Variants in ATG2A observed in about 807,000 individuals in gnomAD.
ATG2A encodes the protein autophagy related 2A.
A neutral mutation model predicts 214.2 loss-of-function variants in ATG2A; 103 were observed. That is an observed-to-expected ratio of 0.48 (90% confidence interval 0.41 to 0.57). The LOEUF (loss-of-function observed/expected upper bound fraction) is 0.57, where lower values mean the gene tolerates loss of function less well. Ranked by LOEUF, ATG2A falls within the 20% of genes least tolerant of loss-of-function variation. The pLI is 0.00. For synonymous variants in ATG2A, 1,160 were observed against 1,142.1 expected (o/e 1.02, Z -0.32); for missense variants, 2,312 against 2,613.2 (o/e 0.88, Z 2.51).
intron 37 of ATG2A, 110 bp downstream of exon 37, chr11:64,897,302 C>G (rs658006): frequency 7.7e-7 from 1 of 1,300,262 alleles, no homozygotes; most frequent in Non-Finnish European, 1.1e-6. Context: ...AGAGGAGAAA[C>G]TGAGGCCCTG....
Position 64,898,648 on chromosome 11 carries a change from G to T in ATG2A, c.4659C>A (p.Ala1553=). Residue 1553 remains alanine, a synonymous_variant, in exon 32 of 41, where the codon GCC becomes GCA. Coordinates refer to ENST00000377264, the MANE Select transcript of ATG2A (RefSeq NM_015104.3). This position sits in a 1 kb window ranked among gnomAD's most constrained non-coding sequence, Gnocchi z 4.5. ...LHTSERMPRR[A]HSNMLTIKAL... ...AGGTCGCTCATACCATGTTAGAGTG[G>T]GCACGTCGCGGCATCCGCTCACTCG... 6.2e-7 allele frequency: 1 copy of T among 1,613,926 alleles called. No homozygotes were observed. Among genetic ancestry groups the T allele is most frequent in the Non-Finnish European group, 8.5e-7 (1 of 1,179,904 alleles).
rs1944564036 is a variant in ATG2A, at chr11:64,906,654, A to T, written c.2983+11T>A. 1 of 1,613,140 alleles carries T rather than the reference A, an allele frequency of 6.2e-7. No homozygotes were observed. The highest frequency in any genetic ancestry group is 1.7e-5 in the Admixed American group (1 of 60,004). On this transcript the variant is annotated intron_variant, in intron 20 of 40. Transcript: ENST00000377264. ...TGGACCCCAGTGGTGACCTGCCCCC[A>T]GGCCTCACACCTCGGTGGTAGAGTG...
At chr11:64,902,427 G>C (rs1319859389) in intron 27 of ATG2A, 41 bp from the exon 28 acceptor site, 2 of 1,532,224 alleles carry the variant, frequency 1.3e-6, no homozygotes, top group East Asian at 4.9e-5. Context: ...AGACAGGACA[G>C]AGCTCCCCCA....
intron 31 of ATG2A, 40 bp downstream of exon 31, chr11:64,900,454 A>G (rs112179468): frequency 1.9e-6 from 3 of 1,612,042 alleles, no homozygotes; most frequent in African/African-American, 2.7e-5. Flanking sequence ...CCGTTGTTCT[A>G]TGACACACAC....
At chr11:64,904,092 AAAT>A (rs1944454714) in intron 24 of ATG2A, among the ~76,000 whole-genome samples, 1 of 151,934 alleles carries the variant, frequency 6.6e-6, no homozygotes, top group African/African-American at 2.4e-5. Context: ...CTAAAAATAC[AAAT>A]ATTAGCCGAG....
At position 64,894,632 on chromosome 11, in the gene ATG2A, A is replaced by G. The variant is rs1413063614; in HGVS notation, c.*341T>C. 1 of 598,226 alleles carries G rather than the reference A, an allele frequency of 1.7e-6. No homozygotes were observed. The highest frequency in any genetic ancestry group is 2.1e-5 in the Admixed American group (1 of 46,664). The allele number at this position is 598,226 out of a possible 1,614,324, so 37.1% of individuals were successfully genotyped here. ...AAATAATACATCGAACCACACGGATATCATCCCCTCCTCCCCCCAGACACA... is the reference window on the plus strand; with the variant it reads ...AAATAATACATCGAACCACACGGATGTCATCCCCTCCTCCCCCCAGACACA... On this transcript the variant is annotated 3_prime_UTR_variant, in exon 41 of 41. Coordinates refer to ENST00000377264, the MANE Select transcript of ATG2A (RefSeq NM_015104.3).
At chr11:64,911,378 CCCA>C (rs1944768431) in intron 9 of ATG2A, 103 bp from the exon 10 acceptor site, 13 of 1,184,810 alleles carry the variant, frequency 1.1e-5, no homozygotes, top group Non-Finnish European at 1.6e-5. Flanking sequence ...CCAGGTCTGC[CCCA>C]CCATGTGGCT....
At chr11:64,908,961 G>A (rs1438513648) in intron 16 of ATG2A, 30 bp downstream of exon 16, 25 of 1,548,024 alleles carry the variant, frequency 1.6e-5, no homozygotes, top group Non-Finnish European at 2.1e-5. Flanking sequence ...GCGGGAGGGG[G>A]TCCTGGGAAG....
Position 64,909,589 on chromosome 11 carries a change from G to A in ATG2A, c.2107+92C>T, listed in dbSNP as rs529643719. ...TAAAGGCCTGGGCCAGGGACTGCTCGGGTTGTGACTGGGCCCCTTCCATAG... is the reference window on the plus strand; with the variant it reads ...TAAAGGCCTGGGCCAGGGACTGCTCAGGTTGTGACTGGGCCCCTTCCATAG... On this transcript the variant is annotated intron_variant, in intron 14 of 40. Coordinates refer to ENST00000377264, the MANE Select transcript of ATG2A (RefSeq NM_015104.3). 13 of 1,556,380 alleles carry A rather than the reference G, an allele frequency of 8.4e-6. No individual in the cohort carries two copies. In the Admixed American group the frequency reaches 8.8e-5, roughly 10 times the overall value.
At position 64,895,503 on chromosome 11, in the gene ATG2A, C is replaced by T; in HGVS notation, c.5428-61G>A. The T allele has an allele frequency of 6.8e-7, 1 of 1,462,380 alleles. No individual in the cohort carries two copies. The highest frequency in any genetic ancestry group is 9.1e-7 in the Non-Finnish European group (1 of 1,102,950). The allele number at this position is 1,462,380 out of a possible 1,614,324, so 90.6% of individuals were successfully genotyped here. A position where few individuals can be genotyped will look rare whatever the true frequency, so the allele number is the denominator to read the frequency against. On this transcript the variant is annotated intron_variant, in intron 39 of 40. Coordinates refer to ENST00000377264, the MANE Select transcript of ATG2A (RefSeq NM_015104.3). This position sits in a 1 kb window ranked among gnomAD's most constrained non-coding sequence, Gnocchi z 5.0. ...GCTGGGGCACACGTCAGCCCCAGGC[C>T]CCCAGGACAGTCTGAGACCCCACCA...
rs952816571 is a variant in ATG2A at position 64,908,562 on chromosome 11, GAA to G, written c.2364+427_2364+428del. On this transcript the variant is annotated intron_variant, in intron 16 of 40. Transcript: ENST00000377264. ...GCAAAACTCTATCTCAAAAAAAAAA[GAA>G]AAAAAAAGAGAGAAAGACAGGTCAT... Among the ~76,000 whole-genome samples the G allele has an allele frequency of 5.4e-5, 8 of 148,802 alleles. No homozygotes were observed. In the South Asian group the frequency reaches 1.7e-3, roughly 32 times the overall value.
intron 13 of ATG2A, 31 bp downstream of exon 13, chr11:64,910,009 C>A: frequency 6.4e-7 from 1 of 1,558,654 alleles, no homozygotes; most frequent in Non-Finnish European, 8.7e-7. Context: ...CTGCACCCAC[C>A]CCCGGCCTGG....
At chr11:64,907,719 G>A (rs774285164) in intron 17 of ATG2A, 29 bp downstream of exon 17, 5 of 1,611,084 alleles carry the variant, frequency 3.1e-6, no homozygotes, top group Non-Finnish European at 4.2e-6. Context: ...CCAGTGTCCA[G>A]TCCCGCCCTG....
chr11:64,908,801 C>T (rs984203204), intron 16 of ATG2A, among the ~76,000 whole-genome samples, 190 bp downstream of exon 16: 2 of 152,162 alleles, frequency 1.3e-5, no homozygotes, highest in East Asian at 1.9e-4. Context: ...TCACCAGTGC[C>T]GTTTCAGAAA....
Position 64,913,908 on chromosome 11 carries a change from T to G in ATG2A, c.503A>C (p.Lys168Thr), listed in dbSNP as rs1944877642. 5 of 1,613,878 alleles carry G rather than the reference T, an allele frequency of 3.1e-6. No homozygotes were observed. Among genetic ancestry groups the G allele is most frequent in the Admixed American group, 3.3e-5 (2 of 59,992 alleles). Reference sequence around the variant, plus strand: ...CACGACAGTGTCCAGGAAGGTCACTTTGATCCTCCGAAGCACTGAGGAGTT... The same window carrying G: ...CACGACAGTGTCCAGGAAGGTCACTGTGATCCTCCGAAGCACTGAGGAGTT... ...QTIETVLRRI[K>T]VTFLDTVVRV... The change falls in exon 4 of 41, where the codon AAA (lysine) becomes ACA (threonine). Residue 168 changes from lysine to threonine, a missense_variant. Coordinates refer to ENST00000377264, the MANE Select transcript of ATG2A (RefSeq NM_015104.3). The surrounding 1 kb of genome is among the most constrained non-coding windows in gnomAD (Gnocchi z 4.3).
chr11:64,911,310 C>T (rs541306865), intron 9 of ATG2A, 35 bp from the exon 10 acceptor site: 1 of 1,601,142 alleles, frequency 6.2e-7, no homozygotes, highest in Non-Finnish European at 8.5e-7. Flanking sequence ...GGGCTCCCAA[C>T]AGATTCCGGG....
In ATG2A at chr11:64,914,347, G is replaced by T. The variant is rs770775699; in HGVS notation, c.325C>A (p.Arg109=). ...SGLQLTLQPR[R]GPAPGAADSQ... ...CTCGCCCTGCCCTCACCTGGACCCC[G>T]GCGGGGCTGCAAGGTGAGCTGGAGG... Residue 109 remains arginine (R), a synonymous_variant, in exon 2 of 41, where the codon CGG becomes AGG. Transcript: ENST00000377264. The T allele has an allele frequency of 6.2e-7, 1 of 1,603,166 alleles. No individual in the cohort carries two copies. Among genetic ancestry groups the T allele is most frequent in the Admixed American group, 1.7e-5 (1 of 58,656 alleles).
chr11:64,903,324 CACA>C lies in ATG2A; in HGVS notation c.3573_3575del (p.Val1192del). 1.9e-6 allele frequency: 3 copies of C among 1,614,098 alleles called. No individual in the cohort carries two copies. Among genetic ancestry groups the C allele is most frequent in the Non-Finnish European group, 2.5e-6 (3 of 1,180,020 alleles). On this transcript the variant is annotated inframe_deletion, in exon 26 of 41. Coordinates refer to ENST00000377264, the MANE Select transcript of ATG2A (RefSeq NM_015104.3). The surrounding 1 kb of genome is among the most constrained non-coding windows in gnomAD (Gnocchi z 4.2). ...CGGTGCTCCCTTTCCAGGTTTTAAT[CACA>C]AGTTCCAAGAGGTCAACATCCAAAA...
Position 64,912,406 on chromosome 11 carries a change from C to A in ATG2A, c.843G>T (p.Gln281His). The change falls in exon 7 of 41, where the codon CAG becomes CAT. Residue 281 changes from glutamine to histidine, a missense_variant. Coordinates refer to ENST00000377264, the MANE Select transcript of ATG2A (RefSeq NM_015104.3). ...TCAGGAGCAGGTGCAGGGAGCCCAG[C>A]TGTCCCGCCACCTCCAACTGGGGGC... ...FPGPKLEVAG[Q>H]LGSLHLLLTP... 6.4e-7 allele frequency: 1 copy of A among 1,551,306 alleles called. No homozygotes were observed. The highest frequency in any genetic ancestry group is 8.7e-7 in the Non-Finnish European group (1 of 1,147,928).
Sources: allele counts gnomAD v4.1 joint callset (sites outside exome capture counted in the v4.1 genomes callset), GRCh38; gene constraint gnomAD v4.1.1; non-coding constraint Gnocchi (gnomAD v3.1); transcripts MANE v1.5; gene names NCBI Gene and HGNC (gene_info 2026-07-23, HGNC 2026-07-21).